The following KLF8 variants were observed in gnomAD, a reference collection of about 807,000 sequenced individuals.
KLF8 encodes the protein KLF transcription factor 8, also known as Krueppel-like factor 8.
A neutral mutation model predicts 18.2 loss-of-function variants in KLF8; 10 were observed. The ratio of observed to expected loss-of-function variants is 0.55; its 90% confidence interval spans 0.34 to 0.93. The LOEUF (loss-of-function observed/expected upper bound fraction) is 0.93, where lower values mean the gene tolerates loss of function less well. Ranked by LOEUF, KLF8 falls within the 40% of genes least tolerant of loss-of-function variation. The probability of loss-of-function intolerance (pLI) is 0.02; values close to 1 mark genes in which losing one functional copy is unlikely to be tolerated. For missense variants in KLF8, 264 were observed against 277.9 expected (o/e 0.95, Z 0.36); for synonymous variants, 109 against 97.3 (o/e 1.12, Z -0.71).
the KLF8 span, among the ~76,000 whole-genome samples, chrX:55,963,929 G>A: frequency 9.9e-5 from 11 of 111,480 alleles, no homozygotes; most frequent in African/African-American, 2.9e-4. Flanking sequence ...CTACACTTTT[G>A]GAGCATAATG....
chrX:56,044,254 G>A, the KLF8 span, among the ~76,000 whole-genome samples: 1 of 111,720 alleles, frequency 9.0e-6, no homozygotes, highest in Admixed American at 9.5e-5. Flanking sequence ...GGAGGTCCCC[G>A]TTAGGACCTC....
At chrX:56,162,902 C>T in the KLF8 span, among the ~76,000 whole-genome samples, 2 of 111,626 alleles carry the variant, frequency 1.8e-5, no homozygotes, top group Non-Finnish European at 3.8e-5. Context: ...TAATCGGCCA[C>T]CTTGGCTCCA....
the KLF8 span, among the ~76,000 whole-genome samples, chrX:55,992,527 G>A: frequency 8.9e-6 from 1 of 111,800 alleles, no homozygotes; most frequent in Non-Finnish European, 1.9e-5. Flanking sequence ...AAGTCAGGTA[G>A]AGTGGTGCCT....
intron 2 of KLF8, among the ~76,000 whole-genome samples, chrX:56,255,993 G>T (rs2066789205): frequency 9.0e-6 from 1 of 111,647 alleles, no homozygotes; most frequent in Admixed American, 9.5e-5. Flanking sequence ...GTAGAATTCA[G>T]CTGTGAAGCC....
chrX:56,145,353 G>A, the KLF8 span, among the ~76,000 whole-genome samples: 1 of 111,789 alleles, frequency 8.9e-6, no homozygotes, highest in African/African-American at 3.3e-5. Context: ...CACTGATGTT[G>A]GGAAAGTAAA....
chrX:56,254,101 C>A (rs779937567), intron 2 of KLF8, among the ~76,000 whole-genome samples: 18 of 111,086 alleles, frequency 1.6e-4, no homozygotes, highest in Non-Finnish European at 3.0e-4. Flanking sequence ...CAGACATGAG[C>A]CACTGCGCCC....
At chrX:56,078,092 G>T in the KLF8 span, among the ~76,000 whole-genome samples, 1 of 111,754 alleles carries the variant, frequency 8.9e-6, no homozygotes, top group African/African-American at 3.3e-5. Context: ...TGCAAACATG[G>T]ACTGTTTGAC....
the KLF8 span, among the ~76,000 whole-genome samples, chrX:56,024,615 A>T: frequency 9.0e-6 from 1 of 111,617 alleles, no homozygotes; most frequent in East Asian, 2.8e-4. Context: ...AATGCTAAAG[A>T]TTTTACGTGA....
the KLF8 span, among the ~76,000 whole-genome samples, chrX:56,136,191 A>T: frequency 1.3e-4 from 14 of 111,852 alleles, no homozygotes; most frequent in African/African-American, 3.3e-4. Context: ...TAATTTACAG[A>T]TTCAATGCCA....
chrX:56,196,210 G>A, the KLF8 span, among the ~76,000 whole-genome samples: 1 of 111,098 alleles, frequency 9.0e-6, no homozygotes, highest in Non-Finnish European at 1.9e-5. Flanking sequence ...CATAATGACA[G>A]GATAAAGTAA....
chrX:55,933,006 G>A, the KLF8 span, among the ~76,000 whole-genome samples: 6 of 111,399 alleles, frequency 5.4e-5, no homozygotes, highest in Non-Finnish European at 9.4e-5. Context: ...TTCTGTTTAT[G>A]TCATTTCAGT....
At chrX:55,939,113 A>ACATGGT in the KLF8 span, among the ~76,000 whole-genome samples, 1 of 111,891 alleles carries the variant, frequency 8.9e-6, no homozygotes, top group Non-Finnish European at 1.9e-5. Context: ...AAAATTGACC[A>ACATGGT]CATGGTTGGA....
At chrX:56,052,581 G>T in the KLF8 span, among the ~76,000 whole-genome samples, 1 of 111,825 alleles carries the variant, frequency 8.9e-6, no homozygotes, top group South Asian at 3.8e-4. Flanking sequence ...AGGCTGCCCG[G>T]GGGTCAGGGG....
rs1203825860 is a variant in KLF8, at chrX:56,291,299, G to T, written c.*6805G>T. 9.0e-6 allele frequency among the ~76,000 whole-genome samples: 1 copy of T among 111,366 alleles called. No individual in the cohort carries two copies. The highest frequency in any genetic ancestry group is 3.3e-5 in the African/African-American group (1 of 30,637). ...ATTTTATACTAGTTCTTGCTCCAGA[G>T]GCATGGCTTTGAGGCTAGAATCATG... On this transcript the variant is annotated 3_prime_UTR_variant, in exon 6 of 6. Transcript: ENST00000468660.
At chrX:56,085,186 G>A in the KLF8 span, among the ~76,000 whole-genome samples, 1 of 111,400 alleles carries the variant, frequency 9.0e-6, no homozygotes, top group Admixed American at 9.5e-5. Flanking sequence ...TTCTCCTGTA[G>A]ACAAATAGCC....
chrX:55,991,397 C>G, the KLF8 span, among the ~76,000 whole-genome samples: 1 of 112,035 alleles, frequency 8.9e-6, no homozygotes, highest in Admixed American at 9.5e-5. Context: ...CAGTTGCCAT[C>G]TGTCACCGCT....
At chrX:56,139,945 T>C in the KLF8 span, among the ~76,000 whole-genome samples, 8 of 111,421 alleles carry the variant, frequency 7.2e-5, no homozygotes, top group African/African-American at 2.6e-4. Context: ...CTAAGAACCA[T>C]GTTAAAAAAA....
chrX:55,966,545 A>T, the KLF8 span, among the ~76,000 whole-genome samples: 1 of 112,432 alleles, frequency 8.9e-6, no homozygotes, highest in South Asian at 3.7e-4. Flanking sequence ...GAACTACTGC[A>T]TTACTGGACC....
the KLF8 span, chrX:56,074,691 CT>C: frequency 6.0e-6 from 1 of 167,996 alleles, no homozygotes; most frequent in Non-Finnish European, 1.1e-5. Context: ...ATAATTGGAC[CT>C]TTTTAGTAAG....
Sources: gnomAD v4.1 joint callset for allele counts (sites outside exome capture counted in the v4.1 genomes callset) on GRCh38, gnomAD v4.1.1 for gene constraint, MANE v1.5 for transcripts, NCBI Gene and HGNC (gene_info 2026-07-23, HGNC 2026-07-21) for gene names.